CD226: variants seen among roughly 807,000 people sequenced by gnomAD.
CD226 encodes CD226 molecule.
CD226 carries 24 observed loss-of-function variants against 34.9 expected under a neutral mutation model. That is an observed-to-expected ratio of 0.69 (90% CI 0.50 to 0.97). CD226 has a LOEUF of 0.97. Among genes scored for constraint, CD226 ranks in the 50% least tolerant of loss-of-function variants. The pLI is 0.00. For missense variants in CD226, 397 were observed against 412.7 expected (o/e 0.96, Z 0.33); for synonymous variants, 148 against 147.4 (o/e 1.00, Z -0.03).
At chr18:69,920,063 C>T (rs1006368249) in intron 2 of CD226, among the ~76,000 whole-genome samples, 1 of 151,964 alleles carries the variant, frequency 6.6e-6, no homozygotes, top group Admixed American at 6.6e-5. Flanking sequence ...CAGGGTTTTG[C>T]CAAGTTGCCC....
At chr18:69,903,034 A>G (rs1163040094) in intron 2 of CD226, among the ~76,000 whole-genome samples, 1 of 152,208 alleles carries the variant, frequency 6.6e-6, no homozygotes, top group East Asian at 1.9e-4. Flanking sequence ...ATAAGCAAGC[A>G]AAAGAAATAG....
At chr18:69,956,810 A>C (rs887680412) in exon 1 of CD226, 1 of 152,268 alleles carries the variant, frequency 6.6e-6, no homozygotes, top group Non-Finnish European at 1.5e-5. Flanking sequence ...GTCTTGGTTA[A>C]GGACTTTTAT....
chr18:69,866,922 A>G (rs1983184380), intron 5 of CD226, among the ~76,000 whole-genome samples: 1 of 152,206 alleles, frequency 6.6e-6, no homozygotes, highest in Non-Finnish European at 1.5e-5. Flanking sequence ...CTCCACTAGA[A>G]GCTGGATAGA....
intron 2 of CD226, among the ~76,000 whole-genome samples, chr18:69,907,655 C>A (rs2055272487): frequency 6.6e-6 from 1 of 152,116 alleles, no homozygotes; most frequent in Admixed American, 6.6e-5. Flanking sequence ...TGAAATCTCT[C>A]TCATAGAAGC....
At chr18:69,943,576 A>T (rs954231177) in intron 2 of CD226, among the ~76,000 whole-genome samples, 9 of 152,352 alleles carry the variant, frequency 5.9e-5, no homozygotes, top group Admixed American at 3.9e-4. Flanking sequence ...CTAGGCTGAA[A>T]GCTGGAGAGG....
chr18:69,882,502 A>G (rs1984323926), intron 3 of CD226, among the ~76,000 whole-genome samples: 1 of 152,244 alleles, frequency 6.6e-6, no homozygotes, highest in South Asian at 2.1e-4. Flanking sequence ...GAGGACAAAG[A>G]GATGGGAACA....
chr18:69,932,807 G>A (rs1483658791), intron 2 of CD226, among the ~76,000 whole-genome samples: 1 of 151,798 alleles, frequency 6.6e-6, no homozygotes, highest in South Asian at 2.1e-4. Flanking sequence ...ACACTGTCAC[G>A]ACCCACTCCT....
At chr18:69,918,901 G>C (rs75932082) in intron 2 of CD226, among the ~76,000 whole-genome samples, 4 of 152,196 alleles carry the variant, frequency 2.6e-5, no homozygotes, top group Non-Finnish European at 5.9e-5. Context: ...GACTGAATGT[G>C]TGGGGCAGGC....
Position 69,946,789 on chromosome 18 carries a change from A to T in CD226, c.327T>A (p.Ser109=), listed in dbSNP as rs1267410541. The stretch of plus-strand genomic sequence containing the variant: ...AAGTTCCCTGTGGGTAAGTGTAAAG[A>T]GAGCAGGAATAGTAGCCAACATCAT... ...SEDDVGYYSC[S]LYTYPQGTWQ... is the part of the protein sequence containing the mutation. The change falls in exon 2 of 6, where the codon TCT becomes TCA. Residue 109 remains serine, a synonymous_variant. Transcript: ENST00000582621. 1 of 1,614,170 alleles carries T rather than the reference A, an allele frequency of 6.2e-7. No individual in the cohort carries two copies. Among genetic ancestry groups the T allele is most frequent in the Admixed American group, 1.7e-5 (1 of 60,030 alleles).
upstream of CD226, among the ~76,000 whole-genome samples, chr18:69,948,321 T>A (rs2055817173): frequency 6.6e-6 from 1 of 152,190 alleles, no homozygotes; most frequent in Non-Finnish European, 1.5e-5. Flanking sequence ...TAGGAACATA[T>A]CAGCATGTTA....
intron 3 of CD226, among the ~76,000 whole-genome samples, chr18:69,881,669 A>AT (rs1984270375): frequency 6.6e-6 from 1 of 152,106 alleles, no homozygotes; most frequent in African/African-American, 2.4e-5. Flanking sequence ...ACTTGTTTCT[A>AT]TTTTTTTCAT....
At chr18:69,953,803 C>A (rs1454555572) in intron 1 of CD226, among the ~76,000 whole-genome samples, 1 of 152,012 alleles carries the variant, frequency 6.6e-6, no homozygotes, top group African/African-American at 2.4e-5. Context: ...AATTCAAAAC[C>A]AGCCTGGCCA....
At chr18:69,914,838 T>C (rs948813069) in intron 2 of CD226, among the ~76,000 whole-genome samples, 18 of 152,244 alleles carry the variant, frequency 1.2e-4, no homozygotes, top group South Asian at 2.1e-4. Flanking sequence ...CTGACTCGCC[T>C]GAAAGTAAAT....
chr18:69,884,698 G>A (rs1200380863), intron 3 of CD226, among the ~76,000 whole-genome samples: 1 of 152,188 alleles, frequency 6.6e-6, no homozygotes, highest in Non-Finnish European at 1.5e-5. Flanking sequence ...GATGTGAGAA[G>A]TTTGTTTTTC....
rs145743901 is a variant in CD226, at chr18:69,930,974, G to T, written c.382+15760C>A. Among the ~76,000 whole-genome samples, 452 of 152,232 alleles carry T rather than the reference G, an allele frequency of 3.0e-3. 3 individuals are homozygous for T. Among genetic ancestry groups the T allele is most frequent in the African/African-American group, 0.01 (418 of 41,530 alleles). On this transcript the variant is annotated intron_variant, in intron 2 of 5. Transcript: ENST00000582621. ...CACTATTCACAGTAGCAAAGACTTGGAACCAACCCAAATGTCCAACAACGA... is the reference window on the plus strand; with the variant it reads ...CACTATTCACAGTAGCAAAGACTTGTAACCAACCCAAATGTCCAACAACGA...
At chr18:69,878,484 C>T (rs950581365) in intron 3 of CD226, among the ~76,000 whole-genome samples, 1 of 151,390 alleles carries the variant, frequency 6.6e-6, no homozygotes, top group Non-Finnish European at 1.5e-5. Flanking sequence ...CCTCAGAGTT[C>T]GGCAGGCAAG....
rs770685444 is a variant in CD226, at chr18:69,873,124, G to A, written c.830+20C>T. 5.2e-5 allele frequency: 64 copies of A among 1,233,906 alleles called. No homozygotes were observed. In the Admixed American group the frequency reaches 5.2e-4, roughly 10 times the overall value. 76.4% of individuals were successfully genotyped at this position (1,233,906 alleles called of 1,614,324 possible). A position where few individuals can be genotyped will look rare whatever the true frequency, so the allele number is the denominator to read the frequency against. On this transcript the variant is annotated intron_variant, in intron 4 of 5. Coordinates refer to ENST00000582621, the MANE Select transcript of CD226 (RefSeq NM_001303618.2). ...CCTCTAACATGGTGAATAAGATTCA[G>A]CATAAGTTGCACTACTCACCTGTTA...
chr18:69,957,893 C>G (rs1385639193), upstream of CD226, among the ~76,000 whole-genome samples: 1 of 152,230 alleles, frequency 6.6e-6, no homozygotes, highest in Admixed American at 6.5e-5. Flanking sequence ...CTTGCAAGGC[C>G]TGCGTCATTG....
chr18:69,875,109 T>C (rs1437525140), intron 3 of CD226, among the ~76,000 whole-genome samples: 1 of 152,104 alleles, frequency 6.6e-6, no homozygotes, highest in Non-Finnish European at 1.5e-5. Flanking sequence ...AGATTGCTGG[T>C]TCATATGATA....
Sources: allele counts gnomAD v4.1 joint callset (sites outside exome capture counted in the v4.1 genomes callset), GRCh38; gene constraint gnomAD v4.1.1; transcripts MANE v1.5; gene names NCBI Gene and HGNC (gene_info 2026-07-23, HGNC 2026-07-21).